CNOT6: variants seen among roughly 807,000 people sequenced by gnomAD.
CNOT6 encodes CCR4-NOT transcription complex subunit 6, also known as carbon catabolite repression 4 protein.
Under a neutral mutation model 61.2 loss-of-function variants are expected in CNOT6, and 12 were observed. The ratio of observed to expected loss-of-function variants is 0.20; its 90% CI spans 0.13 to 0.32. CNOT6 has a LOEUF of 0.32. Among genes scored for constraint, CNOT6 ranks in the 10% least tolerant of loss-of-function variants. The pLI, the probability that CNOT6 is intolerant of heterozygous loss-of-function variation, is 1.00. For synonymous variants in CNOT6, 225 were observed against 240.6 expected, an observed-to-expected ratio of 0.94 and a Z score of 0.60; for missense variants, 405 against 663.9, an observed-to-expected ratio of 0.61 and a Z score of 4.28.
rs1757192841 is a variant in CNOT6, at chr5:180,507,753, T to TCCA, written c.-3+12990_-3+12991insCCA. ...TGAAGAAAAGGGGTTTAATTGGCTCTTGGTTCCACAGGCTGTGCAGGAAAC... is the reference window on the plus strand; with the variant it reads ...TGAAGAAAAGGGGTTTAATTGGCTCTCCATGGTTCCACAGGCTGTGCAGGAAAC... On this transcript the variant is annotated intron_variant, in intron 1 of 11. Transcript: ENST00000261951. Among the ~76,000 whole-genome samples the TCCA allele has an allele frequency of 4.9e-5, 7 of 143,456 alleles. No individual in the cohort carries two copies. In the Admixed American group the frequency reaches 4.9e-4, roughly 10 times the overall value. The allele number at this position is 143,456 out of a possible 152,430, so 94.1% of individuals were successfully genotyped here. A position where few individuals can be genotyped will look rare whatever the true frequency, so the allele number is the denominator to read the frequency against.
In CNOT6 at chr5:180,577,284, C is replaced by G. The variant is rs1217272680; in HGVS notation, c.*3084C>G. On this transcript the variant is annotated 3_prime_UTR_variant, in exon 12 of 12. Transcript: ENST00000261951. ...GGACATTATTAAATTGGATGGAATG[C>G]ACTTCTAAATGTTTAAATTAAAATT... The G allele has an allele frequency of 1.3e-5, 2 of 152,242 alleles. No homozygotes were observed. The highest frequency in any genetic ancestry group is 2.9e-5 in the Non-Finnish European group (2 of 67,982). The allele number at this position is 152,242 out of a possible 1,614,324, so 9.4% of individuals were successfully genotyped here.
chr5:180,556,385 T>C (rs963686739), intron 4 of CNOT6, among the ~76,000 whole-genome samples: 1 of 152,206 alleles, frequency 6.6e-6, no homozygotes, highest in Non-Finnish European at 1.5e-5. Context: ...TAATAATGTG[T>C]ATTTTTTAAC....
chr5:180,573,981 T>A lies in CNOT6; in HGVS notation c.1462-7T>A. 2 of 1,599,618 alleles carry A rather than the reference T, an allele frequency of 1.3e-6. No individual in the cohort carries two copies. Among genetic ancestry groups the A allele is most frequent in the Non-Finnish European group, 1.7e-6 (2 of 1,166,952 alleles). ...CGGTGCTTATCTTTTTTTCTGTTGTTTTTCAGGGTATAATAGACTACATTT... is the reference window on the plus strand; with the variant it reads ...CGGTGCTTATCTTTTTTTCTGTTGTATTTCAGGGTATAATAGACTACATTT... On this transcript the variant is annotated splice_polypyrimidine_tract_variant and splice_region_variant and intron_variant, in intron 11 of 11. Transcript: ENST00000261951.
At chr5:180,566,075 T>TTAAGAACTA in intron 7 of CNOT6, 98 bp downstream of exon 7, 2 of 1,134,528 alleles carry the variant, frequency 1.8e-6, no homozygotes, top group Non-Finnish European at 2.5e-6. Flanking sequence ...CTTCAGTAGT[T>TTAAGAACTA]CTTAAAGTAC....
intron 1 of CNOT6, among the ~76,000 whole-genome samples, chr5:180,507,001 G>A (rs1341338304): frequency 6.6e-6 from 1 of 152,206 alleles, no homozygotes; most frequent in Non-Finnish European, 1.5e-5. Flanking sequence ...GTTTAGCATA[G>A]CTCAGAGCTG....
intron 1 of CNOT6, among the ~76,000 whole-genome samples, chr5:180,496,074 A>T (rs1054665703): frequency 2.0e-5 from 3 of 151,974 alleles, no homozygotes; most frequent in African/African-American, 7.3e-5. Context: ...CACCACGGCT[A>T]ATTTTTTAAT....
intron 4 of CNOT6, among the ~76,000 whole-genome samples, chr5:180,556,232 A>C (rs563908322): frequency 5.9e-5 from 9 of 152,342 alleles, no homozygotes; most frequent in African/African-American, 2.2e-4. Context: ...TCATAGAAGT[A>C]GAGTGTAGAA....
At chr5:180,547,024 C>T (rs188664685) in intron 2 of CNOT6, among the ~76,000 whole-genome samples, 59 of 152,190 alleles carry the variant, frequency 3.9e-4, no homozygotes, top group Admixed American at 1.4e-3. Flanking sequence ...AAATTTTGTA[C>T]GTGAAACCAA....
Position 180,577,224 on chromosome 5 carries a change from A to G in CNOT6, c.*3024A>G, listed in dbSNP as rs190379168. 2.0e-5 allele frequency: 3 copies of G among 150,622 alleles called. No homozygotes were observed. The highest frequency in any genetic ancestry group is 7.3e-5 in the African/African-American group (3 of 40,924). 9.3% of individuals were successfully genotyped at this position (150,622 alleles called of 1,614,324 possible). A position where few individuals can be genotyped will look rare whatever the true frequency, so the allele number is the denominator to read the frequency against. Reference sequence around the variant, plus strand: ...AATATGATTTAGTGACAACCAGGAAAACTTACTTGGGATTATTAGCACTTT... The same window carrying G: ...AATATGATTTAGTGACAACCAGGAAGACTTACTTGGGATTATTAGCACTTT... On this transcript the variant is annotated 3_prime_UTR_variant, in exon 12 of 12. Coordinates refer to ENST00000261951, the MANE Select transcript of CNOT6 (RefSeq NM_001370472.1).
At position 180,494,516 on chromosome 5, in the gene CNOT6, G is replaced by A. The variant is rs1756495068; in HGVS notation, c.-250G>A. 1 of 154,032 alleles carries A rather than the reference G, an allele frequency of 6.5e-6. No individual in the cohort carries two copies. Among genetic ancestry groups the A allele is most frequent in the South Asian group, 1.8e-4 (1 of 5,674 alleles). The allele number at this position is 154,032 out of a possible 1,614,324, so 9.5% of individuals were successfully genotyped here. A position where few individuals can be genotyped will look rare whatever the true frequency, so the allele number is the denominator to read the frequency against. On this transcript the variant is annotated 5_prime_UTR_variant, in exon 1 of 12. Transcript: ENST00000261951. The stretch of plus-strand genomic sequence containing the variant: ...GGCAGCGGCGGGCGCAGCGAGGAGG[G>A]CGAGGCCGGGGGCCGAGAGGGCGGG...
intron 4 of CNOT6, among the ~76,000 whole-genome samples, chr5:180,554,635 C>T (rs1338945275): frequency 6.6e-6 from 1 of 151,682 alleles, no homozygotes; most frequent in East Asian, 1.9e-4. Context: ...CTAGCTAAGG[C>T]TTCTAAATAT....
chr5:180,562,793 G>A (rs1261815902), intron 4 of CNOT6, among the ~76,000 whole-genome samples: 1 of 152,080 alleles, frequency 6.6e-6, no homozygotes, highest in Non-Finnish European at 1.5e-5. Context: ...GTTAGAATGA[G>A]CTGTTTACCT....
chr5:180,562,653 T>C (rs1760245866), intron 4 of CNOT6, among the ~76,000 whole-genome samples: 1 of 151,962 alleles, frequency 6.6e-6, no homozygotes, highest in Non-Finnish European at 1.5e-5. Flanking sequence ...GGCAGGAGAA[T>C]GGCGTGAACC....
chr5:180,530,009 TG>T (rs970560810), intron 2 of CNOT6, among the ~76,000 whole-genome samples: 1 of 152,228 alleles, frequency 6.6e-6, no homozygotes, highest in African/African-American at 2.4e-5. Flanking sequence ...TCTCTGCCAG[TG>T]GGCACACAGT....
chr5:180,558,125 T>A (rs1011044173), intron 4 of CNOT6, among the ~76,000 whole-genome samples: 6 of 152,282 alleles, frequency 3.9e-5, no homozygotes, highest in African/African-American at 1.4e-4. Flanking sequence ...AGGAATCGGC[T>A]CTTTGAGCCT....
chr5:180,526,918 C>T lies in CNOT6; in HGVS notation c.-2-2357C>T, dbSNP rs1198768166. On this transcript the variant is annotated intron_variant, in intron 1 of 11. Coordinates refer to ENST00000261951, the MANE Select transcript of CNOT6 (RefSeq NM_001370472.1). ...TTTTTTTTGAGACAGGATTCACTGT[C>T]GCCCAGGCTGGAGTGCAGGGACACA... Among the ~76,000 whole-genome samples the T allele has an allele frequency of 4.0e-5, 6 of 149,460 alleles. No homozygotes were observed. The South Asian group carries it at 1.3e-3, about 31-fold the overall frequency.
rs1216344998 is a variant in CNOT6, at chr5:180,529,322, A to T, written c.46A>T (p.Thr16Ser). 8 of 1,613,754 alleles carry T rather than the reference A, an allele frequency of 5.0e-6. No homozygotes were observed. The highest frequency in any genetic ancestry group is 6.8e-6 in the Non-Finnish European group (8 of 1,179,832). ...YEPPDPRRMYTIMSSEEAANG... is the reference protein window; with the variant it reads ...YEPPDPRRMYSIMSSEEAANG... ...GCCCCCTGACCCTCGGAGGATGTAT[A>T]CAATTATGTCTTCTGAGGAAGCAGC... The change falls in exon 2 of 12, where the codon ACA (threonine) becomes TCA (serine). Residue 16 changes from threonine to serine, a missense_variant. Around this residue, in one of 5 missense-constraint regions of CNOT6, gnomAD observed 212 missense variants for 307.1 expected, o/e 0.69. Transcript: ENST00000261951.
chr5:180,535,271 A>G (rs376521314), intron 2 of CNOT6, among the ~76,000 whole-genome samples: 1 of 152,252 alleles, frequency 6.6e-6, no homozygotes, highest in African/African-American at 2.4e-5. Flanking sequence ...CATTGCCCTA[A>G]TAGTGAACAT....
intron 2 of CNOT6, among the ~76,000 whole-genome samples, chr5:180,532,040 C>T (rs945588701): frequency 1.3e-5 from 2 of 152,164 alleles, no homozygotes; most frequent in Non-Finnish European, 2.9e-5. Flanking sequence ...TTTATTAAAC[C>T]AAGTTCAGCT....
Sources: gnomAD v4.1 joint callset for allele counts (sites outside exome capture counted in the v4.1 genomes callset) on GRCh38, gnomAD v4.1.1 for gene constraint, gnomAD v4.1.1 regional missense constraint, MANE v1.5 for transcripts, NCBI Gene and HGNC (gene_info 2026-07-23, HGNC 2026-07-21) for gene names.